Variants in PTPRD observed in about 807,000 individuals in gnomAD.
PTPRD encodes protein tyrosine phosphatase receptor type D, also known as receptor-type tyrosine-protein phosphatase delta.
Under a neutral mutation model 214.5 loss-of-function variants are expected in PTPRD, and 34 were observed. The observed-to-expected ratio is 0.16, with a 90% CI of 0.12 to 0.21. PTPRD has a LOEUF of 0.21. Ranked by LOEUF, PTPRD falls within the 10% of genes least tolerant of loss-of-function variation. The pLI is 1.00. For missense variants in PTPRD, 2,545 were observed against 2,398.7 expected (o/e 1.06, Z -1.27); for synonymous variants, 1,128 against 845.7 (o/e 1.33, Z -5.79).
intron 21 of PTPRD, among the ~76,000 whole-genome samples, chr9:8,515,191 C>A (rs1217651421): frequency 6.6e-6 from 1 of 152,194 alleles, no homozygotes; most frequent in African/African-American, 2.4e-5. Flanking sequence ...AACCTTACGA[C>A]CTACGGCAAG....
intron 8 of PTPRD, among the ~76,000 whole-genome samples, chr9:9,458,209 T>C (rs10977776): frequency 1.3e-5 from 2 of 151,888 alleles, no homozygotes; most frequent in East Asian, 3.9e-4. Flanking sequence ...TAAAGTACCA[T>C]GTAATAACAT....
intron 3 of PTPRD, among the ~76,000 whole-genome samples, chr9:10,051,198 A>G (rs1195411071): frequency 2.0e-5 from 3 of 152,172 alleles, no homozygotes; most frequent in Non-Finnish European, 2.9e-5. Context: ...GTTAGAGAAG[A>G]AAAAGAAAAG....
At chr9:10,109,940 G>C in intron 3 of PTPRD, among the ~76,000 whole-genome samples, 1 of 151,062 alleles carries the variant, frequency 6.6e-6, no homozygotes, top group Non-Finnish European at 1.5e-5. Flanking sequence ...GCTGTTTCCT[G>C]ATATATGCCA....
chr9:8,342,090 T>A lies in PTPRD; in HGVS notation c.4662-112A>T, dbSNP rs1389830490. The A allele has an allele frequency of 6.3e-6, 7 of 1,116,044 alleles. No homozygotes were observed. In the African/African-American group the frequency reaches 1.1e-4, roughly 18 times the overall value. 69.1% of individuals were successfully genotyped at this position (1,116,044 alleles called of 1,614,324 possible). A position where few individuals can be genotyped will look rare whatever the true frequency, so the allele number is the denominator to read the frequency against. ...TAGACCTTACATCCATTACTTCTACTCAAATAGCTATTGGGATGACTTTGT... is the reference window on the plus strand; with the variant it reads ...TAGACCTTACATCCATTACTTCTACACAAATAGCTATTGGGATGACTTTGT... On this transcript the variant is annotated intron_variant, in intron 39 of 45. Coordinates refer to ENST00000381196, the MANE Select transcript of PTPRD (RefSeq NM_002839.4).
chr9:9,720,045 G>C (rs1276523348), intron 7 of PTPRD, among the ~76,000 whole-genome samples: 2 of 152,158 alleles, frequency 1.3e-5, no homozygotes, highest in African/African-American at 2.4e-5. Flanking sequence ...GGTAGCACGA[G>C]CCAATCAAAG....
chr9:8,973,453 T>C (rs1567332278), intron 11 of PTPRD, among the ~76,000 whole-genome samples: 1 of 152,074 alleles, frequency 6.6e-6, no homozygotes. Context: ...ATTTTCTTTA[T>C]CCAATCCACC....
At chr9:8,460,692 A>C in intron 32 of PTPRD, 121 bp from the exon 33 acceptor site, 1 of 946,858 alleles carries the variant, frequency 1.1e-6, no homozygotes, top group Middle Eastern at 2.8e-4. Context: ...GTGTGATGCA[A>C]TATTAGCAAA....
intron 3 of PTPRD, among the ~76,000 whole-genome samples, chr9:10,190,588 G>A (rs1467259869): frequency 6.6e-6 from 1 of 150,810 alleles, no homozygotes; most frequent in East Asian, 2.0e-4. Flanking sequence ...TGTGATGGTG[G>A]GCGCCTGTAA....
intron 39 of PTPRD, among the ~76,000 whole-genome samples, chr9:8,356,837 C>T (rs1004392330): frequency 1.3e-5 from 2 of 152,006 alleles, no homozygotes; most frequent in Non-Finnish European, 1.5e-5. Flanking sequence ...TCATTGAGAG[C>T]TCTGATCAAG....
chr9:9,861,059 A>G (rs1440052354), intron 5 of PTPRD, among the ~76,000 whole-genome samples: 1 of 152,186 alleles, frequency 6.6e-6, no homozygotes, highest in Non-Finnish European at 1.5e-5. Flanking sequence ...AAGAGAAATC[A>G]TTATTTCTTT....
At chr9:9,522,048 T>G (rs1376357728) in intron 8 of PTPRD, among the ~76,000 whole-genome samples, 1 of 150,786 alleles carries the variant, frequency 6.6e-6, no homozygotes, top group Non-Finnish European at 1.5e-5. Context: ...TGCCAGCTAC[T>G]CGGGAGGCTG....
intron 35 of PTPRD, among the ~76,000 whole-genome samples, chr9:8,427,478 C>T (rs544956402): frequency 4.4e-4 from 67 of 152,046 alleles, no homozygotes; most frequent in African/African-American, 1.3e-3. Context: ...TGCTGTGTGC[C>T]GAGCGGTGAG....
chr9:8,764,506 G>A (rs1009111636), intron 11 of PTPRD, among the ~76,000 whole-genome samples: 2 of 152,028 alleles, frequency 1.3e-5, no homozygotes, highest in Non-Finnish European at 2.9e-5. Context: ...TCTAAAGAAT[G>A]GGTTATTTGA....
At chr9:10,497,794 TCTA>T (rs1457931950) in intron 2 of PTPRD, among the ~76,000 whole-genome samples, 6 of 152,032 alleles carry the variant, frequency 3.9e-5, no homozygotes, top group African/African-American at 1.4e-4. Context: ...ATGTTTATCT[TCTA>T]CTTTTATTCT....
At chr9:9,098,121 A>T (rs7024971) in intron 10 of PTPRD, among the ~76,000 whole-genome samples, 21,358 of 152,026 alleles carry the variant, frequency 0.14, 1,751 homozygotes, top group East Asian at 0.23. Context: ...GCAAATGTTC[A>T]TTAACCATGT....
At chr9:9,138,065 T>C (rs979235646) in intron 10 of PTPRD, among the ~76,000 whole-genome samples, 32 of 152,290 alleles carry the variant, frequency 2.1e-4, no homozygotes, top group African/African-American at 7.7e-4. Context: ...ATCTGTCTGA[T>C]GCTAAAGCTC....
intron 11 of PTPRD, among the ~76,000 whole-genome samples, chr9:8,753,175 T>G (rs2093684871): frequency 6.6e-6 from 1 of 152,146 alleles, no homozygotes; most frequent in African/African-American, 2.4e-5. Flanking sequence ...TCTTGGCCCC[T>G]TTTTCCGATT....
rs113949614 is a variant in PTPRD at position 9,158,917 on chromosome 9, A to C, written c.-143+24387T>G. 3.6e-3 allele frequency among the ~76,000 whole-genome samples: 543 copies of C among 152,354 alleles called. 3 individuals carry two copies. Among genetic ancestry groups the C allele is most frequent in the African/African-American group, 0.012 (494 of 41,580 alleles). On this transcript the variant is annotated intron_variant, in intron 10 of 45. Coordinates refer to ENST00000381196, the MANE Select transcript of PTPRD (RefSeq NM_002839.4). ...GTATGGTTCAACATAATGCAAATCA[A>C]TAAATCTGATACACCACAGTAACAA...
intron 21 of PTPRD, among the ~76,000 whole-genome samples, chr9:8,509,157 C>G (rs376335546): frequency 6.6e-6 from 1 of 151,398 alleles, no homozygotes; most frequent in African/African-American, 2.4e-5. Flanking sequence ...AAGGTGGAAG[C>G]GAAAGAAGAT....
Sources: allele counts gnomAD v4.1 joint callset (sites outside exome capture counted in the v4.1 genomes callset), GRCh38; gene constraint gnomAD v4.1.1; transcripts MANE v1.5; gene names NCBI Gene and HGNC (gene_info 2026-07-23, HGNC 2026-07-21).